NFIC: variants seen among roughly 807,000 people sequenced by gnomAD.
NFIC encodes nuclear factor I C.
A neutral mutation model predicts 54.4 loss-of-function variants in NFIC; 12 were observed. The ratio of observed to expected loss-of-function variants is 0.22; its 90% CI spans 0.14 to 0.36. The LOEUF (loss-of-function observed/expected upper bound fraction) is 0.36, where lower values mean the gene tolerates loss of function less well. Ranked by LOEUF, NFIC falls within the 10% of genes least tolerant of loss-of-function variation. The pLI is 1.00. For missense variants in NFIC, 575 were observed against 718.2 expected (o/e 0.80, Z 2.28); for synonymous variants, 322 against 319.2 (o/e 1.01, Z -0.09).
intron 1 of NFIC, among the ~76,000 whole-genome samples, chr19:3,372,008 T>C (rs866672339): frequency 2.3e-3 from 211 of 91,786 alleles, no homozygotes; most frequent in African/African-American, 8.8e-3. Flanking sequence ...CCTCTCTCTC[T>C]CTCTCTCTCT....
chr19:3,456,534 T>C lies in NFIC; in HGVS notation c.1424-16T>C. ...ACCCCTCGCTAACGGGCTCTCGGTC[T>C]CTCTCCTCCCTGCAGCCTACTCTCC... On this transcript the variant is annotated splice_polypyrimidine_tract_variant and intron_variant, in intron 9 of 10. Coordinates refer to ENST00000443272, the MANE Select transcript of NFIC (RefSeq NM_001245002.2). 6.4e-7 allele frequency: 1 copy of C among 1,550,966 alleles called. No individual in the cohort carries two copies. The highest frequency in any genetic ancestry group is 8.7e-7 in the Non-Finnish European group (1 of 1,146,540).
chr19:3,467,572 C>T lies in NFIC; in HGVS notation c.*4803C>T, dbSNP rs1188434489. On this transcript the variant is annotated 3_prime_UTR_variant, in exon 11 of 11. Transcript: ENST00000443272. ...GCAGACAATTCCACCTTCCCTGCCC[C>T]AGGACCTTGAGAGACAGCAGCATTC... 3 of 151,126 alleles carry T rather than the reference C, an allele frequency of 2.0e-5. No individual in the cohort carries two copies. Among genetic ancestry groups the T allele is most frequent in the Non-Finnish European group, 2.9e-5 (2 of 67,888 alleles). The allele number at this position is 151,126 out of a possible 1,614,324, so 9.4% of individuals were successfully genotyped here.
chr19:3,411,962 C>T (rs1334999082), intron 2 of NFIC, among the ~76,000 whole-genome samples: 2 of 152,238 alleles, frequency 1.3e-5, no homozygotes, highest in Admixed American at 1.3e-4. Context: ...CTGAGCTCAG[C>T]TGCAGAAAGC....
chr19:3,434,411 A>C lies in NFIC; in HGVS notation c.833+11A>C. 6.3e-7 allele frequency: 1 copy of C among 1,595,692 alleles called. No homozygotes were observed. The highest frequency in any genetic ancestry group is 8.5e-7 in the Non-Finnish European group (1 of 1,170,614). ...CACCTCCTCCAGTGGGTAAGTACCC[A>C]GGTCCCCACCTCTGGGCATTTCATG... On this transcript the variant is annotated intron_variant, in intron 5 of 10. Transcript: ENST00000443272.
chr19:3,418,224 G>A (rs1055170854), intron 2 of NFIC, among the ~76,000 whole-genome samples: 1 of 149,922 alleles, frequency 6.7e-6, no homozygotes, highest in Non-Finnish European at 1.5e-5. Context: ...TCAGCTCCCC[G>A]AGTAGCTGGA....
chr19:3,443,724 G>C (rs970556730), intron 6 of NFIC, among the ~76,000 whole-genome samples: 2 of 152,150 alleles, frequency 1.3e-5, no homozygotes, highest in South Asian at 4.1e-4. Flanking sequence ...GGTGACATCT[G>C]GGGACCTGTG....
chr19:3,406,985 C>G (rs544686354), intron 2 of NFIC, among the ~76,000 whole-genome samples: 1 of 126,946 alleles, frequency 7.9e-6, no homozygotes, highest in Non-Finnish European at 1.6e-5. Context: ...GTGGCTGGAG[C>G]AGAGTGAGCG....
At chr19:3,387,473 G>A (rs1442090629) in intron 2 of NFIC, among the ~76,000 whole-genome samples, 3 of 152,130 alleles carry the variant, frequency 2.0e-5, no homozygotes, top group Admixed American at 6.6e-5. Flanking sequence ...TCCAGCCTGA[G>A]CGACAGAGTG....
In NFIC at chr19:3,466,746, A is replaced by G. The variant is rs1356143712; in HGVS notation, c.*3977A>G. On this transcript the variant is annotated 3_prime_UTR_variant, in exon 11 of 11. Coordinates refer to ENST00000443272, the MANE Select transcript of NFIC (RefSeq NM_001245002.2). This position sits in a 1 kb window ranked among gnomAD's most constrained non-coding sequence, Gnocchi z 4.8. Reference sequence around the variant, plus strand: ...GGAGGCAAAGGGAGTGGGTGGCCCCATCACTATTGGGACCATCGCGTCCCT... The same window carrying G: ...GGAGGCAAAGGGAGTGGGTGGCCCCGTCACTATTGGGACCATCGCGTCCCT... 4 of 151,278 alleles carry G rather than the reference A, an allele frequency of 2.6e-5. No individual in the cohort carries two copies. Among genetic ancestry groups the G allele is most frequent in the African/African-American group, 7.3e-5 (3 of 41,048 alleles). 9.4% of individuals were successfully genotyped at this position (151,278 alleles called of 1,614,324 possible).
chr19:3,463,616 C>A lies in NFIC; in HGVS notation c.*847C>A, dbSNP rs950091094. 23 of 933,816 alleles carry A rather than the reference C, an allele frequency of 2.5e-5. No individual in the cohort carries two copies. The highest frequency in any genetic ancestry group is 2.7e-5 in the Non-Finnish European group (21 of 783,734). 57.8% of individuals were successfully genotyped at this position (933,816 alleles called of 1,614,324 possible). ...GAGGAGAAGTCTCTATGCAATTGGCCCCGGCCCCTCCACCCCCCACCCCCG... is the reference window on the plus strand; with the variant it reads ...GAGGAGAAGTCTCTATGCAATTGGCACCGGCCCCTCCACCCCCCACCCCCG... On this transcript the variant is annotated 3_prime_UTR_variant, in exon 11 of 11. Transcript: ENST00000443272.
rs1568180615 is a variant in NFIC, at chr19:3,435,068, T to G, written c.834-15T>G. 2 of 1,576,016 alleles carry G rather than the reference T, an allele frequency of 1.3e-6. No individual in the cohort carries two copies. Among genetic ancestry groups the G allele is most frequent in the Non-Finnish European group, 1.7e-6 (2 of 1,155,598 alleles). The stretch of plus-strand genomic sequence containing the variant: ...CTCCCTGGTAACCAGCCTCTCCCCT[T>G]CCCTCGCCCATAAGGAGCAAGCGGC... On this transcript the variant is annotated splice_polypyrimidine_tract_variant and intron_variant, in intron 5 of 10. Transcript: ENST00000443272.
intron 6 of NFIC, among the ~76,000 whole-genome samples, chr19:3,440,936 C>T (rs1342263607): frequency 6.6e-6 from 1 of 152,214 alleles, no homozygotes; most frequent in East Asian, 1.9e-4. Flanking sequence ...CTTCCTCAGC[C>T]TCCCAAGTAG....
chr19:3,437,805 A>C (rs573098205), intron 6 of NFIC, among the ~76,000 whole-genome samples: 152 of 151,688 alleles, frequency 1.0e-3, no homozygotes, highest in Non-Finnish European at 1.8e-3. Flanking sequence ...CAGCCTCCCG[A>C]GTAGCTGGGA....
In NFIC at chr19:3,463,149, AGACGCCG is replaced by A. The variant is rs970995721; in HGVS notation, c.*382_*388del. On this transcript the variant is annotated 3_prime_UTR_variant, in exon 11 of 11. Coordinates refer to ENST00000443272, the MANE Select transcript of NFIC (RefSeq NM_001245002.2). Reference sequence around the variant, plus strand: ...TCTCCGCCTGCTGCTCGGGAAGGACAGACGCCGGCCGCCCGCCCGCGCCCCGGAGGCC... The same window carrying A: ...TCTCCGCCTGCTGCTCGGGAAGGACAGCCGCCCGCCCGCGCCCCGGAGGCC... The A allele has an allele frequency of 2.7e-6, 3 of 1,101,270 alleles. No homozygotes were observed. Among genetic ancestry groups the A allele is most frequent in the Non-Finnish European group, 3.3e-6 (3 of 904,032 alleles). 68.2% of individuals were successfully genotyped at this position (1,101,270 alleles called of 1,614,324 possible).
intron 10 of NFIC, 40 bp from the exon 11 acceptor site, chr19:3,462,712 T>TTTTCTCTCTCCCTC: frequency 6.2e-7 from 1 of 1,610,896 alleles, no homozygotes; most frequent in African/African-American, 1.3e-5. Context: ...TTCTCTCCCT[T>TTTTCTCTCTCCCTC]TTTCTCTCTC....
intron 2 of NFIC, among the ~76,000 whole-genome samples, chr19:3,399,215 T>A (rs1211921116): frequency 6.6e-6 from 1 of 152,166 alleles, no homozygotes; most frequent in Admixed American, 6.5e-5. Context: ...TGGGCCTCAG[T>A]TTCCCCATCT....
At chr19:3,451,725 G>A (rs2082466111) in intron 7 of NFIC, among the ~76,000 whole-genome samples, 1 of 151,764 alleles carries the variant, frequency 6.6e-6, no homozygotes, top group Non-Finnish European at 1.5e-5. Context: ...CAGATGGGCT[G>A]GGTTCAAATT....
chr19:3,408,074 C>T (rs1007177440), intron 2 of NFIC, among the ~76,000 whole-genome samples: 12 of 152,012 alleles, frequency 7.9e-5, no homozygotes, highest in Non-Finnish European at 8.8e-5. Context: ...GGTTGGGAGG[C>T]GGACGTGGCA....
chr19:3,367,180 G>A (rs918563578), intron 1 of NFIC, among the ~76,000 whole-genome samples: 1 of 152,182 alleles, frequency 6.6e-6, no homozygotes, highest in African/African-American at 2.4e-5. Flanking sequence ...TGTGCGGGCC[G>A]CCCTGGCCCT....
Sources: gnomAD v4.1 joint callset for allele counts (sites outside exome capture counted in the v4.1 genomes callset) on GRCh38, gnomAD v4.1.1 for gene constraint, Gnocchi (gnomAD v3.1) non-coding constraint, MANE v1.5 for transcripts, NCBI Gene and HGNC (gene_info 2026-07-23, HGNC 2026-07-21) for gene names.